MYPN: variants seen among roughly 807,000 people sequenced by gnomAD.
The protein encoded by MYPN is myopalladin, also known as sarcomeric protein myopalladin, 145 kDa (MYOP).
Under a neutral mutation model 129.4 loss-of-function variants are expected in MYPN, and 63 were observed. That is an observed-to-expected ratio of 0.49 (90% CI 0.40 to 0.60). The LOEUF is 0.60. Among genes scored for constraint, MYPN ranks in the 20% least tolerant of loss-of-function variants. The probability of loss-of-function intolerance (pLI) is 0.00; values close to 1 mark genes in which losing one functional copy is unlikely to be tolerated. For synonymous variants in MYPN, 629 were observed against 600.9 expected, an observed-to-expected ratio of 1.05 and a Z score of -0.68; for missense variants, 1,596 against 1,635.4, an observed-to-expected ratio of 0.98 and a Z score of 0.42.
intron 5 of MYPN, 26 bp from the exon 6 acceptor site, chr10:68,150,014 A>G (rs2134097136): frequency 1.3e-6 from 2 of 1,596,384 alleles, no homozygotes; most frequent in Non-Finnish European, 1.7e-6. Flanking sequence ...GTAACAATGA[A>G]TTTACTGTTG....
intron 7 of MYPN, among the ~76,000 whole-genome samples, chr10:68,160,273 A>C (rs576336769): frequency 2.6e-4 from 39 of 151,266 alleles, no homozygotes; most frequent in African/African-American, 8.5e-4. Flanking sequence ...AACAAAAAAA[A>C]CCAAAAACTC....
chr10:68,119,745 G>C (rs1003350044), intron 1 of MYPN, among the ~76,000 whole-genome samples: 3 of 152,118 alleles, frequency 2.0e-5, no homozygotes, highest in African/African-American at 7.2e-5. Flanking sequence ...TTTTTAAAAG[G>C]CATCATAGAC....
In MYPN at chr10:68,182,439, A is replaced by AAC. The variant is rs1215258850; in HGVS notation, c.2704-6464_2704-6463dup. ...TAACATATATATAACACATATATATAACATATATATAACATATATATATAA... is the reference window on the plus strand; with the variant it reads ...TAACATATATATAACACATATATATAACACATATATATAACATATATATATAA... On this transcript the variant is annotated intron_variant, in intron 12 of 19. Transcript: ENST00000358913. 4.5e-5 allele frequency among the ~76,000 whole-genome samples: 6 copies of AAC among 134,144 alleles called. 1 individual carries two copies. The highest frequency in any genetic ancestry group is 8.3e-5 in the Admixed American group (1 of 12,028). The allele number at this position is 134,144 out of a possible 152,430, so 88.0% of individuals were successfully genotyped here. A position where few individuals can be genotyped will look rare whatever the true frequency, so the allele number is the denominator to read the frequency against.
rs372702266 is a variant in MYPN at position 68,182,465 on chromosome 10, C to CATAT, written c.2704-6436_2704-6433dup. ...ACATATATATAACATATATATATAA[C>CATAT]ATATATACACACACACACACACACA... On this transcript the variant is annotated intron_variant, in intron 12 of 19. Coordinates refer to ENST00000358913, the MANE Select transcript of MYPN (RefSeq NM_032578.4). Among the ~76,000 whole-genome samples the CATAT allele has an allele frequency of 3.4e-3, 301 of 89,350 alleles. 12 individuals are homozygous for CATAT. The highest frequency in any genetic ancestry group is 8.4e-3 in the African/African-American group (192 of 22,770). 58.6% of individuals were successfully genotyped at this position (89,350 alleles called of 152,430 possible).
intron 1 of MYPN, among the ~76,000 whole-genome samples, chr10:68,111,620 G>T (rs139183455): frequency 6.6e-6 from 1 of 152,144 alleles, no homozygotes; most frequent in Admixed American, 6.5e-5. Context: ...GAGACTAAAT[G>T]GTCTGTTTAG....
chr10:68,112,348 C>T (rs1025648353), intron 1 of MYPN, among the ~76,000 whole-genome samples: 2 of 152,204 alleles, frequency 1.3e-5, no homozygotes, highest in Non-Finnish European at 2.9e-5. Context: ...TTGTCATCCT[C>T]TGGATACAAA....
chr10:68,189,338 TCAAA>T (rs1173710020), intron 13 of MYPN, among the ~76,000 whole-genome samples: 1 of 152,220 alleles, frequency 6.6e-6, no homozygotes, highest in Non-Finnish European at 1.5e-5. Context: ...TATCCATCAC[TCAAA>T]CATTTATCTT....
At position 68,158,548 on chromosome 10, in the gene MYPN, A is replaced by T. The variant is rs1413293211; in HGVS notation, c.1380A>T (p.Gly460=). ...QLVVFECRVK[G]APSPKVEWYR... ...TTGTCTTTGAATGCAGAGTAAAAGGAGCTCCATCTCCTAAGGTTGAGTGGT... is the reference window on the plus strand; with the variant it reads ...TTGTCTTTGAATGCAGAGTAAAAGGTGCTCCATCTCCTAAGGTTGAGTGGT... Residue 460 remains glycine, a synonymous_variant, in exon 7 of 20, where the codon GGA becomes GGT. Transcript: ENST00000358913. The T allele has an allele frequency of 6.2e-7, 1 of 1,613,578 alleles. No homozygotes were observed. The highest frequency in any genetic ancestry group is 8.5e-7 in the Non-Finnish European group (1 of 1,179,474).
At chr10:68,164,919 T>C (rs1165460658) in intron 8 of MYPN, among the ~76,000 whole-genome samples, 1 of 152,268 alleles carries the variant, frequency 6.6e-6, no homozygotes, top group Non-Finnish European at 1.5e-5. Context: ...TGTTGTCCAA[T>C]TTTAAATTGT....
chr10:68,195,290 A>G (rs181894062), intron 14 of MYPN, among the ~76,000 whole-genome samples, 160 bp from the exon 15 acceptor site: 2 of 152,336 alleles, frequency 1.3e-5, no homozygotes, highest in Admixed American at 1.3e-4. Context: ...AATATTAACA[A>G]TGATTTAAGA....
chr10:68,157,037 T>G (rs1257301978), intron 6 of MYPN, among the ~76,000 whole-genome samples: 1 of 152,186 alleles, frequency 6.6e-6, no homozygotes, highest in African/African-American at 2.4e-5. Flanking sequence ...TCACAAACCA[T>G]GATGAATAAG....
At chr10:68,109,784 G>A (rs2042056136) in intron 1 of MYPN, 61 bp downstream of exon 1, 2 of 415,226 alleles carry the variant, frequency 4.8e-6, no homozygotes, top group South Asian at 1.8e-5. Context: ...CAGTGGAAAA[G>A]CGAATATTTC....
chr10:68,152,963 TTTTATTTTATTTTA>T (rs1299352686), intron 6 of MYPN, among the ~76,000 whole-genome samples: 3 of 141,404 alleles, frequency 2.1e-5, no homozygotes, highest in South Asian at 2.3e-4. Flanking sequence ...TGTTATTTTA[TTTTATTTTATTTTA>T]TTTATTTTAT....
intron 2 of MYPN, chr10:68,136,709 T>C (rs1425426894): frequency 6.5e-7 from 1 of 1,535,540 alleles, no homozygotes; most frequent in Non-Finnish European, 8.7e-7. Flanking sequence ...CAATTGCTCA[T>C]AGATGTTTCC....
intron 15 of MYPN, among the ~76,000 whole-genome samples, chr10:68,196,174 C>T (rs912709249): frequency 1.3e-5 from 2 of 152,194 alleles, no homozygotes; most frequent in Admixed American, 6.5e-5. Flanking sequence ...GTAAATCAGA[C>T]CCATTGAAGT....
chr10:68,096,422 C>T (rs1197815888), intron 1 of MYPN, among the ~76,000 whole-genome samples: 1 of 152,002 alleles, frequency 6.6e-6, no homozygotes, highest in Non-Finnish European at 1.5e-5. Context: ...ATTAGCCGGG[C>T]ATGGTGGCAG....
chr10:68,194,423 C>T lies in MYPN; in HGVS notation c.2986C>T (p.Arg996Ter), dbSNP rs753094063. Residue 996 changes from arginine to a stop codon, truncating the protein, a stop_gained, in exon 14 of 20, where the codon CGA (arginine) becomes TGA (stop). Transcript: ENST00000358913. LOFTEE classifies it high-confidence loss of function. Reference sequence around the variant, plus strand: ...GAGAAATGAGCACTGCAAAATGAGGCGAGAAGGAGATGGGACATGCTCTCT... The same window carrying T: ...GAGAAATGAGCACTGCAAAATGAGGTGAGAAGGAGATGGGACATGCTCTCT... ...SKRNEHCKMR[R>*]EGDGTCSLHI... 5.0e-6 allele frequency: 8 copies of T among 1,613,394 alleles called. No homozygotes were observed. The highest frequency in any genetic ancestry group is 1.7e-5 in the Admixed American group (1 of 59,950).
At chr10:68,198,341 C>T (rs1354299711) in intron 16 of MYPN, among the ~76,000 whole-genome samples, 7 of 152,146 alleles carry the variant, frequency 4.6e-5, no homozygotes, top group Admixed American at 4.6e-4. Context: ...ACTAATCAAC[C>T]TCCATTACCT....
At chr10:68,209,328 ACT>A (rs2043867597) in intron 19 of MYPN, among the ~76,000 whole-genome samples, 1 of 152,136 alleles carries the variant, frequency 6.6e-6, no homozygotes, top group African/African-American at 2.4e-5. Flanking sequence ...GAACATAGAA[ACT>A]CTAATAAATT....
Sources: allele counts gnomAD v4.1 joint callset (sites outside exome capture counted in the v4.1 genomes callset), GRCh38; gene constraint gnomAD v4.1.1; transcripts MANE v1.5; gene names NCBI Gene and HGNC (gene_info 2026-07-23, HGNC 2026-07-21).